Variants in PLCE1 observed in about 807,000 individuals in gnomAD.
PLCE1 encodes 1-phosphatidylinositol 4,5-bisphosphate phosphodiesterase epsilon-1.
In PLCE1, 119 loss-of-function variants were observed where a neutral mutation model predicts 242.8. That is an observed-to-expected ratio of 0.49 (90% CI 0.42 to 0.57). The LOEUF is 0.57. Ranked by LOEUF, PLCE1 falls within the 20% of genes least tolerant of loss-of-function variation. The pLI, the probability that PLCE1 is intolerant of heterozygous loss-of-function variation, is 0.00. For missense variants in PLCE1, 2,441 were observed against 2,788.8 expected (o/e 0.88, Z 2.81); for synonymous variants, 945 against 1,017.4 (o/e 0.93, Z 1.35).
intron 2 of PLCE1, among the ~76,000 whole-genome samples, chr10:94,091,892 G>A (rs1270115576): frequency 6.6e-6 from 1 of 152,120 alleles, no homozygotes; most frequent in African/African-American, 2.4e-5. Context: ...TAATGAGAGT[G>A]TTTATTCACT....
At chr10:94,082,643 G>A (rs886762798) in intron 2 of PLCE1, among the ~76,000 whole-genome samples, 2 of 152,168 alleles carry the variant, frequency 1.3e-5, no homozygotes, top group Non-Finnish European at 2.9e-5. Context: ...TGCTCATAAT[G>A]TATTTTTGAA....
intron 3 of PLCE1, among the ~76,000 whole-genome samples, chr10:94,159,958 T>C (rs1428371409): frequency 6.6e-6 from 1 of 152,354 alleles, no homozygotes; most frequent in East Asian, 1.9e-4. Context: ...TCATCATTTT[T>C]TATGGCTGCA....
At chr10:94,163,252 G>T (rs146685346) in intron 3 of PLCE1, among the ~76,000 whole-genome samples, 1,889 of 152,268 alleles carry the variant, frequency 0.012, 19 homozygotes, top group Non-Finnish European at 0.018. Context: ...TGTTGACAGT[G>T]GGGTGTTAAA....
intron 6 of PLCE1, among the ~76,000 whole-genome samples, chr10:94,234,668 C>G (rs1589393358): frequency 6.6e-6 from 1 of 152,096 alleles, no homozygotes; most frequent in African/African-American, 2.4e-5. Flanking sequence ...ATTAAGTTTT[C>G]CACATCAGTG....
intron 4 of PLCE1, among the ~76,000 whole-genome samples, chr10:94,206,175 G>A (rs1462724601): frequency 6.6e-6 from 1 of 152,170 alleles, no homozygotes; most frequent in Non-Finnish European, 1.5e-5. Context: ...TGGTATTTGA[G>A]TAAAGAAGGG....
At chr10:94,203,910 C>T (rs2136817815) in intron 4 of PLCE1, among the ~76,000 whole-genome samples, 1 of 76,796 alleles carries the variant, frequency 1.3e-5, no homozygotes, top group South Asian at 6.3e-4. Flanking sequence ...GGCAGGAACC[C>T]TCAGGTTTTA....
Position 94,032,080 on chromosome 10 carries a change from G to A in PLCE1, c.1034G>A (p.Arg345Lys), listed in dbSNP as rs1389986963. The change falls in exon 2 of 33, where the codon AGA (arginine) becomes AAA (lysine). Residue 345 changes from arginine (R) to lysine (K), a missense_variant. Transcript: ENST00000371380. ...EVKKSVYTGT[R>K]AIVRTLPSGH... ...AAGAAATCTGTGTATACTGGAACAA[G>A]AGCAATTGTGAGAACTCTGCCTTCT... is the stretch of plus-strand genomic sequence containing the variant. 2 of 1,612,216 alleles carry A rather than the reference G, an allele frequency of 1.2e-6. No individual in the cohort carries two copies. Among genetic ancestry groups the A allele is most frequent in the Admixed American group, 3.3e-5 (2 of 59,710 alleles).
At chr10:94,128,321 C>T (rs1030053631) in intron 2 of PLCE1, among the ~76,000 whole-genome samples, 7 of 152,174 alleles carry the variant, frequency 4.6e-5, no homozygotes, top group African/African-American at 1.7e-4. Context: ...TGAACATTGC[C>T]ATATCTACCA....
intron 2 of PLCE1, among the ~76,000 whole-genome samples, chr10:94,111,006 T>C (rs2045937445): frequency 6.6e-6 from 1 of 152,138 alleles, no homozygotes. Flanking sequence ...ATGTCCCTGG[T>C]GTGGGTGGTC....
chr10:94,081,428 A>T (rs2044651262), intron 2 of PLCE1, among the ~76,000 whole-genome samples: 1 of 152,196 alleles, frequency 6.6e-6, no homozygotes, highest in Admixed American at 6.5e-5. Flanking sequence ...TTGTGAAGGT[A>T]TTCTCATCAA....
intron 2 of PLCE1, 47 bp downstream of exon 2, chr10:94,032,299 T>C: frequency 1.3e-6 from 2 of 1,587,624 alleles, no homozygotes; most frequent in South Asian, 2.2e-5. Context: ...CTTGCTTTTT[T>C]TTTCAAAAAA....
intron 2 of PLCE1, among the ~76,000 whole-genome samples, chr10:94,117,599 A>G (rs2046173087): frequency 6.6e-6 from 1 of 152,226 alleles, no homozygotes; most frequent in African/African-American, 2.4e-5. Flanking sequence ...CCACCTGTAT[A>G]CAATACAATA....
Position 94,306,424 on chromosome 10 carries a change from T to C in PLCE1, c.5623-3T>C, listed in dbSNP as rs769736797. 1.2e-6 allele frequency: 2 copies of C among 1,614,136 alleles called. No individual in the cohort carries two copies. Among genetic ancestry groups the C allele is most frequent in the Non-Finnish European group, 8.5e-7 (1 of 1,179,982 alleles). ...TTGATCCCTTTTGTCTCCCTCACCCTAGATTGTCTCTGGTCAGAATGTGTG... is the reference window on the plus strand; with the variant it reads ...TTGATCCCTTTTGTCTCCCTCACCCCAGATTGTCTCTGGTCAGAATGTGTG... On this transcript the variant is annotated splice_polypyrimidine_tract_variant and splice_region_variant and intron_variant, in intron 25 of 32. Coordinates refer to ENST00000371380, the MANE Select transcript of PLCE1 (RefSeq NM_016341.4). The surrounding 1 kb of genome is among the most constrained non-coding windows in gnomAD (Gnocchi z 5.7).
At chr10:94,128,630 G>A (rs1375973542) in intron 2 of PLCE1, among the ~76,000 whole-genome samples, 4 of 152,114 alleles carry the variant, frequency 2.6e-5, no homozygotes, top group Admixed American at 6.6e-5. Context: ...GTTTCTTGGA[G>A]GTGATTTGCA....
intron 20 of PLCE1, 106 bp downstream of exon 20, chr10:94,280,017 T>C (rs2052139300): frequency 8.8e-7 from 1 of 1,142,386 alleles, no homozygotes; most frequent in African/African-American, 1.5e-5. Flanking sequence ...GTAATACGGA[T>C]GGTTGTAATA....
At chr10:94,063,908 A>T (rs1448339806) in intron 2 of PLCE1, among the ~76,000 whole-genome samples, 1 of 152,068 alleles carries the variant, frequency 6.6e-6, no homozygotes, top group Admixed American at 6.6e-5. Flanking sequence ...TTTCAGGCAG[A>T]GCATGTTGCA....
At chr10:94,032,666 T>C (rs1340640076) in intron 2 of PLCE1, among the ~76,000 whole-genome samples, 1 of 152,130 alleles carries the variant, frequency 6.6e-6, no homozygotes, top group Admixed American at 6.6e-5. Flanking sequence ...ATGGCCCCAC[T>C]TCCTTCCCTC....
chr10:93,999,944 G>A (rs779803516), intron 1 of PLCE1, among the ~76,000 whole-genome samples: 6 of 152,194 alleles, frequency 3.9e-5, no homozygotes, highest in Non-Finnish European at 8.8e-5. Context: ...GGCTGTTGTT[G>A]GTGTTCTAGC....
At chr10:94,249,115 C>A (rs1180252865) in intron 8 of PLCE1, among the ~76,000 whole-genome samples, 1 of 152,162 alleles carries the variant, frequency 6.6e-6, no homozygotes, top group Non-Finnish European at 1.5e-5. Context: ...CATACTCAAC[C>A]ACTTCTGAAA....
Sources: allele counts gnomAD v4.1 joint callset (sites outside exome capture counted in the v4.1 genomes callset), GRCh38; gene constraint gnomAD v4.1.1; non-coding constraint Gnocchi (gnomAD v3.1); transcripts MANE v1.5; gene names NCBI Gene and HGNC (gene_info 2026-07-23, HGNC 2026-07-21).